Variants in WDPCP observed in about 807,000 individuals in gnomAD.
The protein encoded by WDPCP is WD repeat-containing and planar cell polarity effector protein fritz homolog.
In WDPCP, 71 loss-of-function variants were observed where a neutral mutation model predicts 93.1. The observed-to-expected ratio is 0.76, with a 90% CI of 0.63 to 0.93. The LOEUF is 0.93. Ranked by LOEUF, WDPCP falls within the 40% of genes least tolerant of loss-of-function variation. WDPCP has a pLI of 0.00. For missense variants in WDPCP, 844 were observed against 887.4 expected, an observed-to-expected ratio of 0.95 and a Z score of 0.62; for synonymous variants, 315 against 315.0, an observed-to-expected ratio of 1.00 and a Z score of 0.00.
intron 15 of WDPCP, among the ~76,000 whole-genome samples, chr2:63,172,292 G>A (rs1006527841): frequency 6.6e-6 from 1 of 152,170 alleles, no homozygotes; most frequent in African/African-American, 2.4e-5. Flanking sequence ...GATCACTTGA[G>A]CCCAGGAGTC....
chr2:63,726,262 G>A (rs985121042), intron 2 of WDPCP, among the ~76,000 whole-genome samples: 46 of 152,080 alleles, frequency 3.0e-4, no homozygotes, highest in African/African-American at 1.1e-3. Context: ...AATCTTCCAC[G>A]TATGGCTAGC....
At chr2:63,635,718 G>C (rs1227182720) in intron 3 of WDPCP, among the ~76,000 whole-genome samples, 3 of 152,144 alleles carry the variant, frequency 2.0e-5, no homozygotes, top group Non-Finnish European at 4.4e-5. Context: ...ACATAATAAA[G>C]GCCGTATATG....
intron 12 of WDPCP, among the ~76,000 whole-genome samples, chr2:63,328,710 T>G (rs1239596832): frequency 6.6e-6 from 1 of 152,024 alleles, no homozygotes; most frequent in Non-Finnish European, 1.5e-5. Flanking sequence ...TTCCAAAAAT[T>G]TCCTCTTATT....
intron 2 of WDPCP, chr2:63,751,854 G>A: frequency 1.5e-6 from 1 of 676,236 alleles, no homozygotes; most frequent in East Asian, 2.9e-5. Flanking sequence ...TGTTGTAATT[G>A]CCAAAAGCAT....
At position 63,749,581 on chromosome 2, in the gene WDPCP, C is replaced by T. The variant is rs573365479; in HGVS notation, n.308+64041G>A. Among the ~76,000 whole-genome samples, 3 of 152,124 alleles carry T rather than the reference C, an allele frequency of 2.0e-5. No individual in the cohort carries two copies. The South Asian group carries it at 6.2e-4, about 32-fold the overall frequency. On this transcript the variant is annotated intron_variant and non_coding_transcript_variant, in intron 2 of 4. Coordinates refer to the WDPCP transcript ENST00000467687. ...ATAGGCTTTGTCTTAGATGATTTTG[C>T]CCAACTGTAGGCTAATGTAGGCGTT... is the stretch of plus-strand genomic sequence containing the variant.
intron 1 of WDPCP, among the ~76,000 whole-genome samples, chr2:63,815,120 T>C (rs1304966089): frequency 6.6e-6 from 1 of 152,118 alleles, no homozygotes; most frequent in Non-Finnish European, 1.5e-5. Flanking sequence ...TCCAAACCAT[T>C]TACAAGACCA....
At chr2:63,292,233 A>C (rs565003913) in intron 13 of WDPCP, among the ~76,000 whole-genome samples, 2 of 152,078 alleles carry the variant, frequency 1.3e-5, no homozygotes, top group Non-Finnish European at 2.9e-5. Flanking sequence ...TTTAGTCTCC[A>C]TAATGAATTT....
At chr2:63,671,795 C>T (rs1710351373) in intron 2 of WDPCP, among the ~76,000 whole-genome samples, 1 of 152,128 alleles carries the variant, frequency 6.6e-6, no homozygotes, top group African/African-American at 2.4e-5. Flanking sequence ...CATAAAATCC[C>T]AGCTCTCAAT....
At chr2:63,728,686 C>T (rs1008294041) in intron 2 of WDPCP, among the ~76,000 whole-genome samples, 1 of 152,098 alleles carries the variant, frequency 6.6e-6, no homozygotes, top group Non-Finnish European at 1.5e-5. Flanking sequence ...AGTTGAATAG[C>T]ATGACTTGAA....
At chr2:63,234,736 T>C (rs1003106186) in intron 14 of WDPCP, among the ~76,000 whole-genome samples, 1 of 152,182 alleles carries the variant, frequency 6.6e-6, no homozygotes. Context: ...AATAAGATAT[T>C]AACACAAGTT....
At chr2:63,759,938 C>T (rs1388052449) in intron 2 of WDPCP, among the ~76,000 whole-genome samples, 1 of 152,130 alleles carries the variant, frequency 6.6e-6, no homozygotes, top group African/African-American at 2.4e-5. Flanking sequence ...CAACCCTCCC[C>T]AAGCCTACAC....
intron 10 of WDPCP, among the ~76,000 whole-genome samples, chr2:63,384,590 G>A (rs772552449): frequency 2.0e-5 from 3 of 151,774 alleles, no homozygotes; most frequent in African/African-American, 7.3e-5. Context: ...AAACATTAAC[G>A]GAAGAAATAA....
chr2:63,588,375 G>C lies in WDPCP; in HGVS notation c.-104C>G. Reference sequence around the variant, plus strand: ...CTTGGGTCTCCAGGACGCCGCCGCCGCCGCCACAGTTTCCTCAGGTGCTAC... The same window carrying C: ...CTTGGGTCTCCAGGACGCCGCCGCCCCCGCCACAGTTTCCTCAGGTGCTAC... On this transcript the variant is annotated 5_prime_UTR_variant, in exon 1 of 18. Coordinates refer to ENST00000272321, the MANE Select transcript of WDPCP (RefSeq NM_015910.7). 1.5e-6 allele frequency: 2 copies of C among 1,340,500 alleles called. No individual in the cohort carries two copies. Among genetic ancestry groups the C allele is most frequent in the South Asian group, 2.5e-5 (2 of 79,880 alleles). 83.0% of individuals were successfully genotyped at this position (1,340,500 alleles called of 1,614,324 possible).
intron 1 of WDPCP, among the ~76,000 whole-genome samples, chr2:63,509,535 C>G (rs1346101060): frequency 2.0e-5 from 3 of 151,724 alleles, no homozygotes; most frequent in Admixed American, 2.0e-4. Context: ...TAGAGAAGAG[C>G]AAACAAATTC....
chr2:63,681,755 G>C (rs1242645017), intron 2 of WDPCP, among the ~76,000 whole-genome samples: 1 of 152,206 alleles, frequency 6.6e-6, no homozygotes, highest in Non-Finnish European at 1.5e-5. Context: ...CTGGCTTCTA[G>C]TCTGACCAAG....
chr2:63,806,294 T>C (rs1670762069), intron 2 of WDPCP, among the ~76,000 whole-genome samples: 1 of 152,106 alleles, frequency 6.6e-6, no homozygotes, highest in South Asian at 2.1e-4. Flanking sequence ...TGTCGGTAGG[T>C]TCCGTGATGC....
At chr2:63,410,394 A>C (rs985585276) in intron 9 of WDPCP, among the ~76,000 whole-genome samples, 5 of 152,226 alleles carry the variant, frequency 3.3e-5, no homozygotes, top group African/African-American at 1.2e-4. Flanking sequence ...CAAATCCTGG[A>C]AACACATCAA....
At chr2:63,484,750 A>G in intron 5 of WDPCP, 87 bp from the exon 6 acceptor site, 1 of 1,563,528 alleles carries the variant, frequency 6.4e-7, no homozygotes, top group South Asian at 1.1e-5. Flanking sequence ...CAAGCAAAAA[A>G]AGATCAACAT....
chr2:63,285,958 G>C (rs1683966492), intron 13 of WDPCP, among the ~76,000 whole-genome samples: 1 of 151,682 alleles, frequency 6.6e-6, no homozygotes, highest in Non-Finnish European at 1.5e-5. Flanking sequence ...AGTACACATG[G>C]AACATTAAAT....
Sources: allele counts gnomAD v4.1 joint callset (sites outside exome capture counted in the v4.1 genomes callset), GRCh38; gene constraint gnomAD v4.1.1; transcripts MANE v1.5; gene names NCBI Gene and HGNC (gene_info 2026-07-23, HGNC 2026-07-21).